Variants in CACNA2D1 observed in about 807,000 individuals in gnomAD.
CACNA2D1 encodes the protein voltage-dependent calcium channel subunit alpha-2/delta-1.
In CACNA2D1, 53 loss-of-function variants were observed where a neutral mutation model predicts 171.5. That is an observed-to-expected ratio of 0.31 (90% CI 0.25 to 0.39). The LOEUF (loss-of-function observed/expected upper bound fraction) is 0.39. Among genes scored for constraint, CACNA2D1 ranks in the 10% least tolerant of loss-of-function variants. The probability of loss-of-function intolerance (pLI) is 1.00; values close to 1 mark genes in which losing one functional copy is unlikely to be tolerated. For synonymous variants in CACNA2D1, 442 were observed against 443.1 expected (o/e 1.00, Z 0.03); for missense variants, 903 against 1,299.8 (o/e 0.69, Z 4.69).
chr7:82,351,854 T>A (rs17156195), intron 1 of CACNA2D1, among the ~76,000 whole-genome samples: 3,277 of 152,238 alleles, frequency 0.022, 144 homozygotes, highest in African/African-American at 0.074. Flanking sequence ...TCTAAGCAGG[T>A]GCTGAACAAG....
chr7:82,225,170 C>A (rs1016719581), intron 3 of CACNA2D1, among the ~76,000 whole-genome samples: 3 of 151,988 alleles, frequency 2.0e-5, no homozygotes, highest in Non-Finnish European at 4.4e-5. Context: ...AAGTGTTTAA[C>A]AAAGAAAACA....
intron 3 of CACNA2D1, among the ~76,000 whole-genome samples, chr7:82,263,461 T>C (rs1807407866): frequency 6.6e-6 from 1 of 152,146 alleles, no homozygotes; most frequent in Non-Finnish European, 1.5e-5. Flanking sequence ...TAACCTGTCT[T>C]GTTGTAGAAG....
intron 1 of CACNA2D1, among the ~76,000 whole-genome samples, chr7:82,374,392 T>C (rs1246334545): frequency 6.6e-6 from 1 of 152,148 alleles, no homozygotes. Flanking sequence ...CACGGCTCTA[T>C]TTGTAATAGG....
chr7:82,015,011 C>T (rs1261164922), intron 12 of CACNA2D1, among the ~76,000 whole-genome samples: 1 of 151,906 alleles, frequency 6.6e-6, no homozygotes, highest in African/African-American at 2.4e-5. Context: ...GAAATTGTGC[C>T]ATTGCACTCC....
At chr7:82,279,085 C>G (rs140046291) in intron 3 of CACNA2D1, among the ~76,000 whole-genome samples, 93 of 152,308 alleles carry the variant, frequency 6.1e-4, no homozygotes, top group African/African-American at 2.0e-3. Flanking sequence ...AAGGTTTTCT[C>G]TTCCATAAAA....
At chr7:81,971,051 C>A in intron 26 of CACNA2D1, 1 of 293,176 alleles carries the variant, frequency 3.4e-6, no homozygotes, top group Non-Finnish European at 6.5e-6. Flanking sequence ...CCAGAGATGG[C>A]TGGTGTTTGG....
chr7:82,311,143 C>A (rs992644171), intron 3 of CACNA2D1, among the ~76,000 whole-genome samples: 3 of 151,908 alleles, frequency 2.0e-5, no homozygotes, highest in African/African-American at 7.3e-5. Context: ...TAACAAAAGT[C>A]CTTGTTAGTT....
intron 4 of CACNA2D1, among the ~76,000 whole-genome samples, chr7:82,151,643 G>C (rs1477193308): frequency 6.6e-6 from 1 of 152,088 alleles, no homozygotes; most frequent in Admixed American, 6.5e-5. Context: ...TAAGAGGCTG[G>C]TGTCACTTCG....
intron 3 of CACNA2D1, among the ~76,000 whole-genome samples, chr7:82,316,204 TAAAATAACTG>T (rs1815103571): frequency 6.6e-6 from 1 of 152,138 alleles, no homozygotes; most frequent in Non-Finnish European, 1.5e-5. Flanking sequence ...CATAAGAATT[TAAAATAACTG>T]TTTTAACAGT....
chr7:82,152,129 T>A (rs1348396504), intron 4 of CACNA2D1, among the ~76,000 whole-genome samples: 8 of 152,084 alleles, frequency 5.3e-5, no homozygotes, highest in Admixed American at 1.3e-4. Flanking sequence ...AAGCTAATCC[T>A]AAAAATGATT....
At chr7:82,217,758 G>A (rs1029449961) in intron 3 of CACNA2D1, among the ~76,000 whole-genome samples, 1 of 150,208 alleles carries the variant, frequency 6.7e-6, no homozygotes, top group East Asian at 1.9e-4. Context: ...AGTTTCAGGG[G>A]TAAAATATAC....
chr7:82,333,523 T>G (rs1200110219), intron 3 of CACNA2D1, among the ~76,000 whole-genome samples: 1 of 151,942 alleles, frequency 6.6e-6, no homozygotes, highest in East Asian at 1.9e-4. Flanking sequence ...GAATTCCCCT[T>G]TATAAAACCA....
intron 1 of CACNA2D1, among the ~76,000 whole-genome samples, chr7:82,434,831 T>C (rs1030384649): frequency 6.6e-6 from 1 of 152,100 alleles, no homozygotes; most frequent in South Asian, 2.1e-4. Context: ...CTTTCATCAG[T>C]GGCCTGATGA....
chr7:82,376,871 A>G (rs1238573682), intron 1 of CACNA2D1, among the ~76,000 whole-genome samples: 1 of 152,244 alleles, frequency 6.6e-6, no homozygotes, highest in African/African-American at 2.4e-5. Context: ...ACTACTTTAG[A>G]ATAAAATGCT....
chr7:82,004,825 GA>G (rs1798964788), intron 18 of CACNA2D1, among the ~76,000 whole-genome samples: 1 of 152,130 alleles, frequency 6.6e-6, no homozygotes, highest in Non-Finnish European at 1.5e-5. Context: ...TGTATCTTGA[GA>G]AAATAGGCAT....
chr7:82,266,424 C>T (rs182604930), intron 3 of CACNA2D1, among the ~76,000 whole-genome samples: 1 of 152,160 alleles, frequency 6.6e-6, no homozygotes, highest in Admixed American at 6.5e-5. Context: ...AGAAATATAG[C>T]AGTATGGAAA....
At chr7:82,258,919 C>T (rs1806704519) in intron 3 of CACNA2D1, among the ~76,000 whole-genome samples, 1 of 150,630 alleles carries the variant, frequency 6.6e-6, no homozygotes, top group South Asian at 2.1e-4. Context: ...CCTCCGCCTC[C>T]CAGGTTCAAG....
chr7:82,105,603 AGCCTTCCACCAAC>A (rs771188494), intron 6 of CACNA2D1, among the ~76,000 whole-genome samples: 10 of 152,054 alleles, frequency 6.6e-5, no homozygotes, highest in Non-Finnish European at 1.3e-4. Context: ...TCAAATATGA[AGCCTTCCACCAAC>A]GGCCTGTATG....
intron 4 of CACNA2D1, among the ~76,000 whole-genome samples, chr7:82,148,442 T>C (rs950164983): frequency 6.6e-6 from 1 of 152,118 alleles, no homozygotes; most frequent in Non-Finnish European, 1.5e-5. Context: ...GACATGTATA[T>C]GGACTGGCTC....
Sources: gnomAD v4.1 joint callset for allele counts (sites outside exome capture counted in the v4.1 genomes callset) on GRCh38, gnomAD v4.1.1 for gene constraint, MANE v1.5 for transcripts, NCBI Gene and HGNC (gene_info 2026-07-23, HGNC 2026-07-21) for gene names.